The following RAD54B variants were observed in gnomAD, a reference collection of about 807,000 sequenced individuals.
The protein encoded by RAD54B is DNA repair and recombination protein RAD54B.
RAD54B carries 78 observed loss-of-function variants against 95.8 expected under a neutral mutation model. The ratio of observed to expected loss-of-function variants is 0.81; its 90% CI spans 0.68 to 0.98. RAD54B has a LOEUF of 0.98. Among genes scored for constraint, RAD54B ranks in the 50% least tolerant of loss-of-function variants. The probability of loss-of-function intolerance (pLI) is 0.00; values close to 1 mark genes in which losing one functional copy is unlikely to be tolerated. For missense variants in RAD54B, 957 were observed against 1,056.6 expected, an observed-to-expected ratio of 0.91 and a Z score of 1.31; for synonymous variants, 328 against 354.9, an observed-to-expected ratio of 0.92 and a Z score of 0.85.
At chr8:94,440,728 G>A (rs1329264104) in intron 3 of RAD54B, among the ~76,000 whole-genome samples, 1 of 152,194 alleles carries the variant, frequency 6.6e-6, no homozygotes, top group African/African-American at 2.4e-5. Flanking sequence ...AAGTTCTGCA[G>A]TGGAGAGGAG....
rs1812098420 is a variant in RAD54B, at chr8:94,431,632, A to C, written c.305-20317T>G. On this transcript the variant is annotated intron_variant, in intron 3 of 14. Transcript: ENST00000336148. ...CCCTAAACTGCAGAGATGGAAAAAA[A>C]GTGTTCTCCAAATATCTTCCATCTC... 7 of 942,010 alleles carry C rather than the reference A, an allele frequency of 7.4e-6. No individual in the cohort carries two copies. The South Asian group carries it at 2.9e-4, about 40-fold the overall frequency. The allele number at this position is 942,010 out of a possible 1,614,324, so 58.4% of individuals were successfully genotyped here.
intron 9 of RAD54B, 80 bp from the exon 10 acceptor site, chr8:94,391,979 A>G: frequency 1.5e-6 from 2 of 1,330,470 alleles, no homozygotes; most frequent in South Asian, 1.4e-5. Context: ...TTTCATAATG[A>G]TAAACCATTT....
At chr8:94,436,937 T>C (rs538840459) in intron 3 of RAD54B, 18 of 1,452,828 alleles carry the variant, frequency 1.2e-5, no homozygotes, top group African/African-American at 1.4e-5. Flanking sequence ...TCAGCTCTTT[T>C]CACAAACAGA....
chr8:94,409,720 G>A (rs1012284204), intron 4 of RAD54B, among the ~76,000 whole-genome samples: 2 of 152,024 alleles, frequency 1.3e-5, no homozygotes, highest in African/African-American at 2.4e-5. Context: ...ACTGTTTTAA[G>A]CCTAATTTTC....
chr8:94,439,604 G>C (rs1458219777), intron 3 of RAD54B, among the ~76,000 whole-genome samples: 24 of 151,836 alleles, frequency 1.6e-4, no homozygotes. Context: ...ATATATTTTA[G>C]GGAGGCATGA....
intron 3 of RAD54B, among the ~76,000 whole-genome samples, chr8:94,412,104 CAT>C (rs368352928): frequency 2.4e-4 from 36 of 152,238 alleles, no homozygotes; most frequent in Admixed American, 1.1e-3. Context: ...GAATTCCACA[CAT>C]AAGTGAGATC....
At chr8:94,425,229 C>CTTTT (rs34018801) in intron 3 of RAD54B, among the ~76,000 whole-genome samples, 1 of 114,934 alleles carries the variant, frequency 8.7e-6, no homozygotes, top group Non-Finnish European at 1.8e-5. Flanking sequence ...CTTTAATATT[C>CTTTT]TTTTTTTTTT....
intron 3 of RAD54B, chr8:94,428,296 A>G: frequency 1.0e-6 from 1 of 982,230 alleles, no homozygotes; most frequent in South Asian, 4.7e-5. Context: ...TTGTAATTAA[A>G]GCTCATGGAC....
intron 3 of RAD54B, among the ~76,000 whole-genome samples, chr8:94,426,961 T>TA (rs1414500914): frequency 3.3e-5 from 5 of 151,976 alleles, no homozygotes; most frequent in African/African-American, 9.7e-5. Context: ...ATTTTTCCTT[T>TA]AAAAAAAAGA....
intron 3 of RAD54B, chr8:94,430,310 C>CAA (rs60634729): frequency 6.4e-4 from 557 of 865,914 alleles, no homozygotes; most frequent in Non-Finnish European, 6.7e-4. Context: ...GACTCCATCT[C>CAA]AAAAAAAAAA....
chr8:94,415,068 G>A (rs113679428), intron 3 of RAD54B, among the ~76,000 whole-genome samples: 58,676 of 149,364 alleles, frequency 0.39, 11,745 homozygotes, highest in Admixed American at 0.5. Flanking sequence ...AGTCAATCCT[G>A]AGCCAAAAGA....
intron 3 of RAD54B, chr8:94,429,821 T>A (rs1433650138): frequency 2.0e-6 from 2 of 985,256 alleles, no homozygotes; most frequent in African/African-American, 3.5e-5. Flanking sequence ...TGAAATTAAG[T>A]AGTCAACATG....
At chr8:94,420,859 T>A (rs1811789810) in intron 3 of RAD54B, among the ~76,000 whole-genome samples, 1 of 150,854 alleles carries the variant, frequency 6.6e-6, no homozygotes, top group Admixed American at 6.6e-5. Flanking sequence ...GTGGTGGGCG[T>A]CTGTAATCCC....
chr8:94,458,987 T>C (rs935124823), intron 2 of RAD54B, among the ~76,000 whole-genome samples: 4 of 152,226 alleles, frequency 2.6e-5, no homozygotes, highest in Admixed American at 2.0e-4. Context: ...CTTATAATTA[T>C]AGTGTATTTT....
intron 3 of RAD54B, among the ~76,000 whole-genome samples, chr8:94,441,105 C>A (rs1812386914): frequency 6.8e-6 from 1 of 147,272 alleles, no homozygotes; most frequent in Non-Finnish European, 1.5e-5. Flanking sequence ...GTGCATGCAG[C>A]CCCTGTCACG....
intron 3 of RAD54B, among the ~76,000 whole-genome samples, chr8:94,447,340 G>C (rs1271228738): frequency 6.6e-6 from 1 of 152,164 alleles, no homozygotes; most frequent in Non-Finnish European, 1.5e-5. Flanking sequence ...AGCTAAAGGA[G>C]CCTCTCTGCC....
chr8:94,442,959 GA>G (rs1340816869), intron 3 of RAD54B, among the ~76,000 whole-genome samples: 1 of 152,042 alleles, frequency 6.6e-6, no homozygotes. Context: ...TTTCTCATAA[GA>G]AAATCCCTTC....
intron 5 of RAD54B, among the ~76,000 whole-genome samples, chr8:94,406,516 A>C (rs1811392113): frequency 6.6e-6 from 1 of 152,168 alleles, no homozygotes. Context: ...CAGAATTTTT[A>C]ATTGTGGGGT....
At chr8:94,456,724 T>C (rs980780160) in intron 3 of RAD54B, among the ~76,000 whole-genome samples, 4 of 152,188 alleles carry the variant, frequency 2.6e-5, no homozygotes, top group Non-Finnish European at 5.9e-5. Context: ...AGATCAAGAA[T>C]GAAAAAGATG....
Sources: gnomAD v4.1 joint callset for allele counts (sites outside exome capture counted in the v4.1 genomes callset) on GRCh38, gnomAD v4.1.1 for gene constraint, MANE v1.5 for transcripts, NCBI Gene and HGNC (gene_info 2026-07-23, HGNC 2026-07-21) for gene names.